Variants in FCAR observed in about 807,000 individuals in gnomAD.
FCAR encodes the protein Fc alpha receptor.
A neutral mutation model predicts 27.1 loss-of-function variants in FCAR; 21 were observed. That is an observed-to-expected ratio of 0.77 (90% CI 0.55 to 1.11). FCAR has a LOEUF of 1.11. Among genes scored for constraint, FCAR ranks in the 50% most tolerant of loss-of-function variants. The pLI is 0.00. For missense variants in FCAR, 404 were observed against 358.4 expected (o/e 1.13, Z -1.03); for synonymous variants, 134 against 135.8 (o/e 0.99, Z 0.09).
chr19:54,883,153 G>A (rs932753635), intron 2 of FCAR, among the ~76,000 whole-genome samples: 3 of 151,840 alleles, frequency 2.0e-5, no homozygotes, highest in Non-Finnish European at 4.4e-5. Flanking sequence ...CTACAAGCAC[G>A]CAGCACCATA....
Position 54,890,049 on chromosome 19 carries a change from G to A in FCAR, c.*186G>A, listed in dbSNP as rs1005394458. Reference sequence around the variant, plus strand: ...AATCTCGGCTCATTGAACCTCTTGGGTTCAAGTGATTCTTGTGCCTCAGCC... The same window carrying A: ...AATCTCGGCTCATTGAACCTCTTGGATTCAAGTGATTCTTGTGCCTCAGCC... On this transcript the variant is annotated 3_prime_UTR_variant, in exon 5 of 5. Transcript: ENST00000355524. The A allele has an allele frequency of 1.2e-5, 7 of 592,592 alleles. No homozygotes were observed. The highest frequency in any genetic ancestry group is 3.7e-5 in the African/African-American group (2 of 53,552). 36.7% of individuals were successfully genotyped at this position (592,592 alleles called of 1,614,324 possible). A position where few individuals can be genotyped will look rare whatever the true frequency, so the allele number is the denominator to read the frequency against.
intron 1 of FCAR, among the ~76,000 whole-genome samples, chr19:54,874,563 C>T (rs898012155): frequency 6.6e-6 from 1 of 152,010 alleles, no homozygotes; most frequent in Non-Finnish European, 1.5e-5. Flanking sequence ...ATCTGGGATT[C>T]ATGATGGTCC....
At chr19:54,884,339 A>G (rs1408300110) in intron 2 of FCAR, among the ~76,000 whole-genome samples, 1 of 151,630 alleles carries the variant, frequency 6.6e-6, no homozygotes, top group Non-Finnish European at 1.5e-5. Flanking sequence ...CTCTGCAAAA[A>G]CCCCAGTTGC....
At chr19:54,886,938 CTG>C (rs1455584724) in intron 3 of FCAR, among the ~76,000 whole-genome samples, 4 of 152,230 alleles carry the variant, frequency 2.6e-5, no homozygotes, top group African/African-American at 9.6e-5. Flanking sequence ...GGGAACATGA[CTG>C]TGGATGTTGA....
chr19:54,887,139 A>G (rs1487160250), intron 3 of FCAR, among the ~76,000 whole-genome samples: 1 of 151,994 alleles, frequency 6.6e-6, no homozygotes, highest in Non-Finnish European at 1.5e-5. Flanking sequence ...GTAAGACCCC[A>G]TCTGTACAAA....
chr19:54,876,029 C>G (rs2066072788), intron 2 of FCAR, among the ~76,000 whole-genome samples: 1 of 152,182 alleles, frequency 6.6e-6, no homozygotes, highest in Non-Finnish European at 1.5e-5. Context: ...TTGTAGTTCT[C>G]CTTGCAGAGA....
At position 54,889,856 on chromosome 19, in the gene FCAR, G is replaced by T; in HGVS notation, c.857G>T (p.Cys286Phe). 1 of 1,600,908 alleles carries T rather than the reference G, an allele frequency of 6.2e-7. No homozygotes were observed. Residue 286 changes from cysteine to phenylalanine, a missense_variant, in exon 5 of 5, where the codon TGC (cysteine) becomes TTC (phenylalanine). Cys to Phe is a radical substitution (Grantham distance 205). Coordinates refer to ENST00000355524, the MANE Select transcript of FCAR (RefSeq NM_002000.4). Reference sequence around the variant, plus strand: ...ACCTTTGCACGAACACCAAGTGTCTGCAAGTAAACACCTGGAGGTGAAGGC... The same window carrying T: ...ACCTTTGCACGAACACCAAGTGTCTTCAAGTAAACACCTGGAGGTGAAGGC... Reference protein sequence around the residue: ...GLTFARTPSVCK With the variant: ...GLTFARTPSVFK
intron 2 of FCAR, among the ~76,000 whole-genome samples, chr19:54,884,538 A>G (rs896476754): frequency 6.6e-6 from 1 of 152,110 alleles, no homozygotes; most frequent in African/African-American, 2.4e-5. Flanking sequence ...AGGCTGAGGC[A>G]GCAGAATTGC....
In FCAR at chr19:54,874,272, T is replaced by C; in HGVS notation, c.-18T>C. On this transcript the variant is annotated 5_prime_UTR_variant, in exon 1 of 5. Coordinates refer to ENST00000355524, the MANE Select transcript of FCAR (RefSeq NM_002000.4). ...TGCATTGAAAGGAGAGCAACGGGGC[T>C]GAGGCCGTGTCAGCACGATGGACCC... 1 of 1,614,106 alleles carries C rather than the reference T, an allele frequency of 6.2e-7. No individual in the cohort carries two copies. The highest frequency in any genetic ancestry group is 8.5e-7 in the Non-Finnish European group (1 of 1,179,976).
chr19:54,889,324 ATC>A (rs1355328157), intron 4 of FCAR, among the ~76,000 whole-genome samples: 2 of 146,832 alleles, frequency 1.4e-5, no homozygotes, highest in African/African-American at 5.1e-5. Flanking sequence ...GTGAGCCGAG[ATC>A]ACGCCACTGC....
rs1356854976 is a variant in FCAR, at chr19:54,885,538, CCAGGG to C, written c.361+14_361+18del. The stretch of plus-strand genomic sequence containing the variant: ...CTGGTAGTGACAGGTAAGGAAACAT[CCAGGG>C]TCCACAGCCCTGGTGTGATTTTTTT... On this transcript the variant is annotated intron_variant, in intron 3 of 4. Transcript: ENST00000355524. 1 of 1,588,596 alleles carries C rather than the reference CCAGGG, an allele frequency of 6.3e-7. No homozygotes were observed. The highest frequency in any genetic ancestry group is 8.6e-7 in the Non-Finnish European group (1 of 1,157,386).
chr19:54,884,078 G>A (rs2066567939), intron 2 of FCAR, among the ~76,000 whole-genome samples: 1 of 152,234 alleles, frequency 6.6e-6, no homozygotes, highest in Admixed American at 6.5e-5. Flanking sequence ...AGTGGCAGGG[G>A]TGGGTGGAGT....
chr19:54,875,295 G>A, intron 1 of FCAR, 35 bp from the exon 2 acceptor site: 1 of 1,607,930 alleles, frequency 6.2e-7, no homozygotes, highest in Admixed American at 1.7e-5. Context: ...GGTTGGAAAT[G>A]GAAGCTTGAT....
At chr19:54,884,503 G>A (rs1193217815) in intron 2 of FCAR, among the ~76,000 whole-genome samples, 1 of 152,036 alleles carries the variant, frequency 6.6e-6, no homozygotes, top group Non-Finnish European at 1.5e-5. Context: ...ATGGTGGTGG[G>A]CACCTGTAAT....
At position 54,875,007 on chromosome 19, in the gene FCAR, A is replaced by T. The variant is rs1185729865; in HGVS notation, c.35-323A>T. Among the ~76,000 whole-genome samples, 3 of 152,064 alleles carry T rather than the reference A, an allele frequency of 2.0e-5. No individual in the cohort carries two copies. In the East Asian group the frequency reaches 5.8e-4, roughly 29 times the overall value. ...AACATGGTGAAACCCTGTCTCTACT[A>T]AAAATACAAAAAAATTAGCCAGGCG... On this transcript the variant is annotated intron_variant, in intron 1 of 4. Coordinates refer to ENST00000355524, the MANE Select transcript of FCAR (RefSeq NM_002000.4).
intron 2 of FCAR, among the ~76,000 whole-genome samples, chr19:54,881,522 G>A (rs1236883453): frequency 6.6e-6 from 1 of 152,082 alleles, no homozygotes; most frequent in Non-Finnish European, 1.5e-5. Context: ...GGGGTTGAGG[G>A]CTCACAGGGA....
chr19:54,888,601 G>A, intron 4 of FCAR: 2 of 962,698 alleles, frequency 2.1e-6, no homozygotes, highest in South Asian at 2.5e-5. Flanking sequence ...AGGCTGGAGT[G>A]CAGTGGCACG....
At chr19:54,881,926 AATAAATTG>A (rs1343377056) in intron 2 of FCAR, among the ~76,000 whole-genome samples, 4 of 7,884 alleles carry the variant, frequency 5.1e-4, no homozygotes, top group African/African-American at 4.1e-3. Context: ...TAAATAAATA[AATAAATTG>A]AAGCATGAAT....
chr19:54,885,656 T>TG, intron 3 of FCAR, 131 bp downstream of exon 3: 1 of 659,094 alleles, frequency 1.5e-6, no homozygotes, highest in Non-Finnish European at 2.6e-6. Flanking sequence ...CTCAGCCATC[T>TG]GGCACCCCAC....
Sources: allele counts gnomAD v4.1 joint callset (sites outside exome capture counted in the v4.1 genomes callset), GRCh38; gene constraint gnomAD v4.1.1; transcripts MANE v1.5; gene names NCBI Gene and HGNC (gene_info 2026-07-23, HGNC 2026-07-21).